The following ADH5 variants were observed in gnomAD, a reference collection of about 807,000 sequenced individuals.
ADH5 encodes alcohol dehydrogenase class-3.
A neutral mutation model predicts 40.3 loss-of-function variants in ADH5; 32 were observed. The ratio of observed to expected loss-of-function variants is 0.79; its 90% CI spans 0.60 to 1.07. ADH5 has a LOEUF of 1.07. Ranked by LOEUF, ADH5 falls within the 50% of genes least tolerant of loss-of-function variation. ADH5 has a pLI of 0.00. For missense variants in ADH5, 353 were observed against 460.5 expected (o/e 0.77, Z 2.14); for synonymous variants, 125 against 154.3 (o/e 0.81, Z 1.41).
At chr4:99,075,677 CTA>C (rs1238584172) in intron 6 of ADH5, 5 of 152,302 alleles carry the variant, frequency 3.3e-5, no homozygotes, top group African/African-American at 1.2e-4. Flanking sequence ...TACTGAGTGT[CTA>C]TGTAGGTTTA....
intron 7 of ADH5, among the ~76,000 whole-genome samples, chr4:99,073,910 C>T (rs967775683): frequency 7.9e-5 from 12 of 152,160 alleles, no homozygotes; most frequent in Admixed American, 3.9e-4. Flanking sequence ...ATGATACCCC[C>T]GAATAGCATA....
At chr4:99,079,963 T>C (rs1332093032) in intron 4 of ADH5, 5 of 453,200 alleles carry the variant, frequency 1.1e-5, no homozygotes, top group South Asian at 4.7e-5. Context: ...CTGGTGATAC[T>C]GGGCACACCC....
chr4:99,071,244 A>G lies in ADH5; in HGVS notation c.*1173T>C, dbSNP rs903914406. On this transcript the variant is annotated 3_prime_UTR_variant, in exon 9 of 9. Coordinates refer to ENST00000296412, the MANE Select transcript of ADH5 (RefSeq NM_000671.4). ...AAATGCAAACTAAAGTCATAATAAA[A>G]CACCATTCCATACTCATGTAATTCA... 1 of 152,242 alleles carries G rather than the reference A, an allele frequency of 6.6e-6. No homozygotes were observed. The highest frequency in any genetic ancestry group is 1.5e-5 in the Non-Finnish European group (1 of 68,046). 9.4% of individuals were successfully genotyped at this position (152,242 alleles called of 1,614,324 possible).
At chr4:99,085,812 C>T (rs1259353592) in intron 1 of ADH5, among the ~76,000 whole-genome samples, 1 of 152,136 alleles carries the variant, frequency 6.6e-6, no homozygotes, top group Non-Finnish European at 1.5e-5. Context: ...ACAAGGTGGG[C>T]AGATCATGAA....
At chr4:99,072,935 A>C (rs758639521) in intron 7 of ADH5, among the ~76,000 whole-genome samples, 5 of 152,232 alleles carry the variant, frequency 3.3e-5, no homozygotes, top group Non-Finnish European at 7.3e-5. Flanking sequence ...CTAAAACCTC[A>C]TTAAAGTTTT....
chr4:99,076,954 G>A (rs1727943713), intron 4 of ADH5, 31 bp from the exon 5 acceptor site: 1 of 1,510,890 alleles, frequency 6.6e-7, no homozygotes, highest in Non-Finnish European at 9.0e-7. Flanking sequence ...AAGGCAAGTT[G>A]GAATTAGGTT....
At chr4:99,088,634 C>T in intron 1 of ADH5, 55 bp downstream of exon 1, 1 of 1,571,112 alleles carries the variant, frequency 6.4e-7, no homozygotes, top group Non-Finnish European at 8.7e-7. Context: ...CAGCCTAGTC[C>T]CATGCCATGC....
In ADH5 at chr4:99,076,780, A is replaced by T. The variant is rs28730623; in HGVS notation, c.488T>A (p.Leu163Ter). 3 of 1,613,914 alleles carry T rather than the reference A, an allele frequency of 1.9e-6. No individual in the cohort carries two copies. Among genetic ancestry groups the T allele is most frequent in the Non-Finnish European group, 2.5e-6 (3 of 1,179,902 alleles). ...ADISVAKIDP[L>*]APLDKVCLLG... Reference sequence around the variant, plus strand: ...AAGGCAGACTTTATCCAAAGGTGCTAAAGGATCTATTTTAGCAACAGAGAT... The same window carrying T: ...AAGGCAGACTTTATCCAAAGGTGCTTAAGGATCTATTTTAGCAACAGAGAT... Residue 163 changes from leucine to a stop codon, truncating the protein, a stop_gained, in exon 5 of 9, where the codon TTA (leucine) becomes TAA (stop). Coordinates refer to ENST00000296412, the MANE Select transcript of ADH5 (RefSeq NM_000671.4). LOFTEE classifies it high-confidence loss of function.
In ADH5 at chr4:99,072,268, T is replaced by G; in HGVS notation, c.*149A>C. 1 of 634,008 alleles carries G rather than the reference T, an allele frequency of 1.6e-6. No individual in the cohort carries two copies. Among genetic ancestry groups the G allele is most frequent in the Non-Finnish European group, 2.7e-6 (1 of 374,606 alleles). The allele number at this position is 634,008 out of a possible 1,614,324, so 39.3% of individuals were successfully genotyped here. On this transcript the variant is annotated 3_prime_UTR_variant, in exon 9 of 9. Transcript: ENST00000296412. ...TGACTGAATTATCCTTGTCCTTGAT[T>G]ATAGAGATTCATGAATGACACACAT... is the stretch of plus-strand genomic sequence containing the variant.
chr4:99,081,874 T>C (rs912479119), intron 3 of ADH5, 101 bp downstream of exon 3: 1 of 1,181,308 alleles, frequency 8.5e-7, no homozygotes, highest in South Asian at 1.5e-5. Context: ...TCTACTTAGA[T>C]GATACCTATT....
chr4:99,077,452 G>C (rs979734253), intron 4 of ADH5, among the ~76,000 whole-genome samples: 4 of 152,094 alleles, frequency 2.6e-5, no homozygotes, highest in Non-Finnish European at 5.9e-5. Flanking sequence ...CCGTGACTGT[G>C]CCACTACATT....
intron 4 of ADH5, chr4:99,079,815 C>T (rs983684874): frequency 1.7e-5 from 6 of 349,584 alleles, no homozygotes; most frequent in Admixed American, 1.7e-4. Flanking sequence ...ATTACTCTCA[C>T]TTACTGGGCA....
rs372628742 is a variant in ADH5 at position 99,077,067 on chromosome 4, G to C, written c.345-144C>G. On this transcript the variant is annotated intron_variant, in intron 4 of 8. Transcript: ENST00000296412. Reference sequence around the variant, plus strand: ...TTCAAATATATTCATTAGTAATTTAGCACCTTGCAGCAATGCCTTATAAAG... The same window carrying C: ...TTCAAATATATTCATTAGTAATTTACCACCTTGCAGCAATGCCTTATAAAG... 5 of 642,246 alleles carry C rather than the reference G, an allele frequency of 7.8e-6. No homozygotes were observed. The African/African-American group carries it at 9.1e-5, about 12-fold the overall frequency. 39.8% of individuals were successfully genotyped at this position (642,246 alleles called of 1,614,324 possible).
At chr4:99,074,143 T>G (rs1727880229) in intron 7 of ADH5, among the ~76,000 whole-genome samples, 3 of 152,154 alleles carry the variant, frequency 2.0e-5, no homozygotes, top group Admixed American at 2.0e-4. Context: ...AGACAACCCG[T>G]TAAACACAGA....
At chr4:99,077,237 G>A (rs912957472) in intron 4 of ADH5, among the ~76,000 whole-genome samples, 2 of 152,190 alleles carry the variant, frequency 1.3e-5, no homozygotes, top group South Asian at 2.1e-4. Flanking sequence ...TCATTAAAAC[G>A]GTGGGCCAGG....
At chr4:99,080,020 T>G (rs1178659312) in intron 4 of ADH5, 1 of 454,858 alleles carries the variant, frequency 2.2e-6, no homozygotes, top group Non-Finnish European at 4.4e-6. Context: ...TATTTATGGT[T>G]TGCTTTATAA....
Position 99,081,972 on chromosome 4 carries a change from T to C in ADH5, c.256+3A>G. The C allele has an allele frequency of 1.2e-6, 2 of 1,613,698 alleles. No individual in the cohort carries two copies. Among genetic ancestry groups the C allele is most frequent in the Non-Finnish European group, 1.7e-6 (2 of 1,179,688 alleles). ...AAACAAGTGGTTCAAGTATTCTCCT[T>C]ACCCGCCTTCAGCTTAGTAACTCCC... On this transcript the variant is annotated splice_donor_region_variant and intron_variant, in intron 3 of 8. Coordinates refer to ENST00000296412, the MANE Select transcript of ADH5 (RefSeq NM_000671.4).
At chr4:99,077,071 C>T (rs1279569258) in intron 4 of ADH5, 148 bp from the exon 5 acceptor site, 2 of 640,212 alleles carry the variant, frequency 3.1e-6, no homozygotes, top group Non-Finnish European at 5.3e-6. Flanking sequence ...AATTTAGCAC[C>T]TTGCAGCAAT....
chr4:99,074,720 C>A (rs1043165152), intron 7 of ADH5, among the ~76,000 whole-genome samples, 194 bp downstream of exon 7: 3 of 152,174 alleles, frequency 2.0e-5, no homozygotes, highest in African/African-American at 7.2e-5. Context: ...CCACCCTCCC[C>A]CCCAAGTCCC....
Sources: gnomAD v4.1 joint callset for allele counts (sites outside exome capture counted in the v4.1 genomes callset) on GRCh38, gnomAD v4.1.1 for gene constraint, MANE v1.5 for transcripts, NCBI Gene and HGNC (gene_info 2026-07-23, HGNC 2026-07-21) for gene names.